Variants in HACD2 observed in about 807,000 individuals in gnomAD.
HACD2 encodes the protein 3-hydroxyacyl-CoA dehydratase 2.
A neutral mutation model predicts 31.0 loss-of-function variants in HACD2; 15 were observed. The ratio of observed to expected loss-of-function variants is 0.48; its 90% CI spans 0.32 to 0.75. The LOEUF (loss-of-function observed/expected upper bound fraction) is 0.75, where lower values mean the gene tolerates loss of function less well. HACD2 is among the 30% of genes least tolerant of loss of function. The pLI, the probability that HACD2 is intolerant of heterozygous loss-of-function variation, is 0.03. For missense variants in HACD2, 283 were observed against 313.0 expected (o/e 0.90, Z 0.72); for synonymous variants, 115 against 122.2 (o/e 0.94, Z 0.39).
Position 123,500,602 on chromosome 3 carries a change from G to A in HACD2, c.595C>T (p.Leu199=), listed in dbSNP as rs2055890899. ...TTGTTGGGTAAACTGATGGAATATA[G>A]GCCAGCTTGTCTGACAAAGGGCAGA... ...AALPFVRQAG[L]YSISLPNKYN... The change falls in exon 6 of 7, where the codon CTA becomes TTA. Residue 199 remains leucine (L), a synonymous_variant. Transcript: ENST00000383657. 4 of 1,612,354 alleles carry A rather than the reference G, an allele frequency of 2.5e-6. No homozygotes were observed. Among genetic ancestry groups the A allele is most frequent in the Non-Finnish European group, 3.4e-6 (4 of 1,178,476 alleles).
chr3:123,548,129 C>G (rs2056581073), intron 3 of HACD2, among the ~76,000 whole-genome samples: 1 of 152,112 alleles, frequency 6.6e-6, no homozygotes, highest in Non-Finnish European at 1.5e-5. Context: ...ATACTCCTCC[C>G]TTCACAAGGC....
At chr3:123,580,389 T>C (rs56050844) in intron 2 of HACD2, among the ~76,000 whole-genome samples, 10,952 of 151,636 alleles carry the variant, frequency 0.072, 1,285 homozygotes, top group African/African-American at 0.25. Flanking sequence ...GGTGGGAGGA[T>C]GGCTGGGGCC....
chr3:123,584,831 C>G (rs1212627197), intron 1 of HACD2, 42 bp downstream of exon 1: 1 of 1,442,458 alleles, frequency 6.9e-7, no homozygotes, highest in South Asian at 1.4e-5. Flanking sequence ...GGCTCCCTCC[C>G]CGGCCGCGCT....
At chr3:123,512,796 T>C (rs1052594889) in intron 4 of HACD2, among the ~76,000 whole-genome samples, 24 of 152,190 alleles carry the variant, frequency 1.6e-4, no homozygotes, top group African/African-American at 5.8e-4. Context: ...CACACAGCTA[T>C]ATAAATACTT....
chr3:123,514,117 A>T (rs928044408), intron 4 of HACD2, among the ~76,000 whole-genome samples: 1 of 152,310 alleles, frequency 6.6e-6, no homozygotes, highest in East Asian at 1.9e-4. Context: ...ACTACAAAAA[A>T]TACAAAAATT....
In HACD2 at chr3:123,530,408, AT is replaced by A. The variant is rs1168086468; in HGVS notation, c.293-1935del. On this transcript the variant is annotated intron_variant, in intron 3 of 6. Coordinates refer to ENST00000383657, the MANE Select transcript of HACD2 (RefSeq NM_198402.5). ...CTGGGACCACACGGTGTGCCAGGTA[AT>A]TTTTTTTTTTTTTTTTTTGAGACGG... Among the ~76,000 whole-genome samples the A allele has an allele frequency of 6.6e-3, 891 of 134,146 alleles. 1 individual carries two copies. Among genetic ancestry groups the A allele is most frequent in the African/African-American group, 9.4e-3 (333 of 35,446 alleles). 88.0% of individuals were successfully genotyped at this position (134,146 alleles called of 152,430 possible). A position where few individuals can be genotyped will look rare whatever the true frequency, so the allele number is the denominator to read the frequency against.
At position 123,562,750 on chromosome 3, in the gene HACD2, C is replaced by T. The variant is rs966741738; in HGVS notation, c.292+5012G>A. On this transcript the variant is annotated intron_variant, in intron 3 of 6. Coordinates refer to ENST00000383657, the MANE Select transcript of HACD2 (RefSeq NM_198402.5). ...TGGAATCACACAGCTAGTGAGTAACCCTAGTCTGACTCAGGTCTATACTTT... is the reference window on the plus strand; with the variant it reads ...TGGAATCACACAGCTAGTGAGTAACTCTAGTCTGACTCAGGTCTATACTTT... 3.3e-5 allele frequency among the ~76,000 whole-genome samples: 5 copies of T among 152,206 alleles called. No homozygotes were observed. The East Asian group carries it at 9.6e-4, about 29-fold the overall frequency.
intron 3 of HACD2, among the ~76,000 whole-genome samples, chr3:123,558,224 C>G (rs1437919542): frequency 3.3e-5 from 5 of 152,138 alleles, no homozygotes; most frequent in African/African-American, 1.2e-4. Context: ...ACCATGGAGA[C>G]AGTGGAAAGA....
intron 2 of HACD2, among the ~76,000 whole-genome samples, chr3:123,572,541 C>T (rs539936624): frequency 1.3e-5 from 2 of 152,240 alleles, no homozygotes; most frequent in East Asian, 1.9e-4. Context: ...ACCATAAACT[C>T]CTCTCTCCTC....
rs1479072462 is a variant in HACD2 at position 123,543,651 on chromosome 3, GATT to G, written c.293-15180_293-15178del. 9.9e-6 allele frequency: 4 copies of G among 404,256 alleles called. No individual in the cohort carries two copies. In the East Asian group the frequency reaches 3.0e-4, roughly 30 times the overall value. 25.0% of individuals were successfully genotyped at this position (404,256 alleles called of 1,614,324 possible). ...GGATCACATAACAAAATGGAAAAAT[GATT>G]ATATTAAAGGAAAAAAAACTGTCAG... On this transcript the variant is annotated intron_variant, in intron 3 of 6. Transcript: ENST00000383657.
At chr3:123,584,816 C>A in intron 1 of HACD2, 57 bp downstream of exon 1, 1 of 1,353,566 alleles carries the variant, frequency 7.4e-7, no homozygotes, top group Non-Finnish European at 9.8e-7. Flanking sequence ...CGCCGCTGGC[C>A]GCAGGGCTCC....
intron 3 of HACD2, among the ~76,000 whole-genome samples, chr3:123,550,174 T>C (rs2056603536): frequency 6.6e-6 from 1 of 152,132 alleles, no homozygotes; most frequent in Admixed American, 6.5e-5. Context: ...TATTTGATAC[T>C]TTGCTTACCC....
At chr3:123,505,334 GTGA>G (rs2055961344) in intron 4 of HACD2, among the ~76,000 whole-genome samples, 1 of 152,132 alleles carries the variant, frequency 6.6e-6, no homozygotes, top group Admixed American at 6.5e-5. Context: ...GAGATGGATG[GTGA>G]TGATGGTTGC....
At chr3:123,584,553 C>G (rs1024673090) in intron 1 of HACD2, 1 of 238,504 alleles carries the variant, frequency 4.2e-6, no homozygotes, top group African/African-American at 2.3e-5. Flanking sequence ...GTAGTCCGGC[C>G]GCTGCCCCCG....
At chr3:123,519,426 G>T (rs2056185837) in intron 4 of HACD2, among the ~76,000 whole-genome samples, 1 of 152,098 alleles carries the variant, frequency 6.6e-6, no homozygotes, top group African/African-American at 2.4e-5. Flanking sequence ...TCTTGATATG[G>T]GTAAGTTTAA....
chr3:123,574,610 T>C (rs1470250850), intron 2 of HACD2, among the ~76,000 whole-genome samples: 2 of 152,150 alleles, frequency 1.3e-5, no homozygotes, highest in Admixed American at 1.3e-4. Flanking sequence ...CAAAAAACTT[T>C]AAAATCTTAT....
intron 3 of HACD2, among the ~76,000 whole-genome samples, chr3:123,564,020 T>C (rs1018022263): frequency 1.3e-5 from 2 of 152,172 alleles, no homozygotes; most frequent in South Asian, 2.1e-4. Flanking sequence ...GCAAACTGAA[T>C]TGACAAAACC....
chr3:123,518,995 TAAA>T (rs67571643), intron 4 of HACD2, among the ~76,000 whole-genome samples: 452 of 42,452 alleles, frequency 0.011, 2 homozygotes, highest in African/African-American at 0.035. Flanking sequence ...AGACTCCAAC[TAAA>T]AAAAAAAAAA....
chr3:123,543,061 T>C (rs2056513149), intron 3 of HACD2, among the ~76,000 whole-genome samples: 1 of 152,234 alleles, frequency 6.6e-6, no homozygotes, highest in African/African-American at 2.4e-5. Flanking sequence ...GAATATTACA[T>C]TCCAGGTTCT....
Sources: gnomAD v4.1 joint callset for allele counts (sites outside exome capture counted in the v4.1 genomes callset) on GRCh38, gnomAD v4.1.1 for gene constraint, MANE v1.5 for transcripts, NCBI Gene and HGNC (gene_info 2026-07-23, HGNC 2026-07-21) for gene names.